The following PARD3 variants were observed in gnomAD, a reference collection of about 807,000 sequenced individuals.
The protein encoded by PARD3 is partitioning defective 3 homolog.
In PARD3, 75 loss-of-function variants were observed where a neutral mutation model predicts 155.4. That is an observed-to-expected ratio of 0.48 (90% CI 0.40 to 0.58). The LOEUF (loss-of-function observed/expected upper bound fraction) is 0.58, where lower values mean the gene tolerates loss of function less well. Among genes scored for constraint, PARD3 ranks in the 20% least tolerant of loss-of-function variants. PARD3 has a pLI of 0.00. For synonymous variants in PARD3, 576 were observed against 610.5 expected, an observed-to-expected ratio of 0.94 and a Z score of 0.83; for missense variants, 1,642 against 1,721.7, an observed-to-expected ratio of 0.95 and a Z score of 0.82.
chr10:34,428,793 A>C (rs1364645131), intron 5 of PARD3, among the ~76,000 whole-genome samples: 1 of 152,206 alleles, frequency 6.6e-6, no homozygotes, highest in Non-Finnish European at 1.5e-5. Flanking sequence ...ACTAAAGGAA[A>C]TCATGCAGAA....
At chr10:34,554,264 T>C (rs1052353001) in intron 2 of PARD3, among the ~76,000 whole-genome samples, 8 of 152,250 alleles carry the variant, frequency 5.3e-5, no homozygotes, top group African/African-American at 1.9e-4. Context: ...ATGTAGATCC[T>C]GTTTAAAATT....
chr10:34,575,593 C>A (rs2086815057), intron 2 of PARD3, among the ~76,000 whole-genome samples: 1 of 152,146 alleles, frequency 6.6e-6, no homozygotes, highest in South Asian at 2.1e-4. Flanking sequence ...TCCAGTGACA[C>A]TTGTAGAAAA....
rs558507245 is a variant in PARD3, at chr10:34,369,663, A to C, written c.1707+2835T>G. On this transcript the variant is annotated intron_variant, in intron 12 of 24. Transcript: ENST00000374788. ...GAAGTAATATATCTCCTGCAGGAAA[A>C]GAAAAAGAATCATAACTGTATGCAC... is the stretch of plus-strand genomic sequence containing the variant. 3.9e-5 allele frequency among the ~76,000 whole-genome samples: 6 copies of C among 152,310 alleles called. No homozygotes were observed. In the East Asian group the frequency reaches 9.6e-4, roughly 24 times the overall value.
chr10:34,452,738 C>T (rs570974830), intron 4 of PARD3, among the ~76,000 whole-genome samples: 56 of 152,244 alleles, frequency 3.7e-4, no homozygotes, highest in Non-Finnish European at 7.1e-4. Context: ...GCACAAGTCA[C>T]GAAAACGAAA....
At chr10:34,686,108 C>G (rs2093951218) in intron 2 of PARD3, among the ~76,000 whole-genome samples, 1 of 152,156 alleles carries the variant, frequency 6.6e-6, no homozygotes, top group African/African-American at 2.4e-5. Flanking sequence ...CTGCTTTTCA[C>G]TAACACATAA....
chr10:34,477,630 A>T (rs2078802508), intron 3 of PARD3, among the ~76,000 whole-genome samples: 1 of 152,210 alleles, frequency 6.6e-6, no homozygotes, highest in African/African-American at 2.4e-5. Flanking sequence ...ATACATTTTT[A>T]ACTGTTAAAT....
At chr10:34,602,528 T>C (rs2089880567) in intron 2 of PARD3, among the ~76,000 whole-genome samples, 1 of 152,188 alleles carries the variant, frequency 6.6e-6, no homozygotes, top group Non-Finnish European at 1.5e-5. Context: ...TACTCTTAAA[T>C]GTCCATCAGC....
In PARD3 at chr10:34,277,196, G is replaced by A. The variant is rs537048030; in HGVS notation, c.3176+6939C>T. Among the ~76,000 whole-genome samples, 18 of 152,242 alleles carry A rather than the reference G, an allele frequency of 1.2e-4. No individual in the cohort carries two copies. In the South Asian group the frequency reaches 2.3e-3, roughly 19 times the overall value. On this transcript the variant is annotated intron_variant, in intron 21 of 24. Coordinates refer to ENST00000374788, the MANE Select transcript of PARD3 (RefSeq NM_001184785.2). ...ATCAAATAAAACCCAAATTCATGGC[G>A]AAATGAAATTTAAGCTACAAAACAA...
intron 11 of PARD3, among the ~76,000 whole-genome samples, 162 bp downstream of exon 11, chr10:34,374,712 G>GT (rs1024180992): frequency 5.6e-4 from 85 of 152,184 alleles, no homozygotes; most frequent in Non-Finnish European, 1.3e-4. Context: ...AACTAAGGGA[G>GT]TATTAGAGAA....
At chr10:34,333,807 G>A (rs1385444410) in intron 18 of PARD3, among the ~76,000 whole-genome samples, 3 of 151,840 alleles carry the variant, frequency 2.0e-5, no homozygotes, top group African/African-American at 2.4e-5. Context: ...GCTAACATTC[G>A]ATTTATAATA....
intron 20 of PARD3, among the ~76,000 whole-genome samples, chr10:34,311,854 G>A (rs962438908): frequency 6.6e-6 from 1 of 152,040 alleles, no homozygotes; most frequent in African/African-American, 2.4e-5. Context: ...GAATCTATCC[G>A]TTGCATCTCA....
At chr10:34,427,305 C>A (rs948266386) in intron 5 of PARD3, among the ~76,000 whole-genome samples, 2 of 152,198 alleles carry the variant, frequency 1.3e-5, no homozygotes, top group Non-Finnish European at 2.9e-5. Context: ...ATTAACAGCT[C>A]TGAGAAAAGA....
intron 14 of PARD3, among the ~76,000 whole-genome samples, chr10:34,358,541 CTG>C (rs1839121993): frequency 6.6e-6 from 1 of 152,126 alleles, no homozygotes; most frequent in South Asian, 2.1e-4. Context: ...GAAAGCCAGA[CTG>C]TGGGCCAGGT....
chr10:34,114,218 C>T (rs780499235), intron 24 of PARD3, among the ~76,000 whole-genome samples: 2 of 151,998 alleles, frequency 1.3e-5, no homozygotes, highest in Admixed American at 6.6e-5. Context: ...GCCGTGATTG[C>T]ACCACTGCAC....
At chr10:34,491,428 C>T (rs113937923) in intron 3 of PARD3, among the ~76,000 whole-genome samples, 1,658 of 152,214 alleles carry the variant, frequency 0.011, 28 homozygotes, top group African/African-American at 0.038. Flanking sequence ...TTCTACTTAT[C>T]AAACATAGGG....
At chr10:34,298,079 G>C (rs1296550187) in intron 20 of PARD3, among the ~76,000 whole-genome samples, 1 of 152,176 alleles carries the variant, frequency 6.6e-6, no homozygotes. Context: ...TTGGTAAAAT[G>C]TAACCATCCT....
intron 22 of PARD3, among the ~76,000 whole-genome samples, chr10:34,142,190 A>C (rs931160547): frequency 6.6e-6 from 1 of 152,152 alleles, no homozygotes; most frequent in Non-Finnish European, 1.5e-5. Flanking sequence ...GATTTAAGCA[A>C]GTAAAAGATG....
At chr10:34,507,707 A>T (rs2081172311) in intron 3 of PARD3, among the ~76,000 whole-genome samples, 1 of 152,180 alleles carries the variant, frequency 6.6e-6, no homozygotes, top group East Asian at 1.9e-4. Flanking sequence ...TAGCTAGAAA[A>T]TTACAATAAT....
intron 1 of PARD3, among the ~76,000 whole-genome samples, chr10:34,728,091 G>A (rs760018583): frequency 3.3e-5 from 5 of 152,228 alleles, no homozygotes; most frequent in South Asian, 2.1e-4. Context: ...TAGGCATTTC[G>A]AGGCTTCACA....
Sources: allele counts gnomAD v4.1 joint callset (sites outside exome capture counted in the v4.1 genomes callset), GRCh38; gene constraint gnomAD v4.1.1; transcripts MANE v1.5; gene names NCBI Gene and HGNC (gene_info 2026-07-23, HGNC 2026-07-21).